The following SLC6A8 variants were observed in gnomAD, a reference collection of about 807,000 sequenced individuals.
SLC6A8 encodes the protein solute carrier family 6 member 8.
Under a neutral mutation model 48.3 loss-of-function variants are expected in SLC6A8, and 6 were observed. The observed-to-expected ratio is 0.12, with a 90% CI of 0.07 to 0.25. SLC6A8 has a LOEUF of 0.25. SLC6A8 is among the 10% of genes least tolerant of loss of function. The pLI, the probability that SLC6A8 is intolerant of heterozygous loss-of-function variation, is 1.00. For missense variants in SLC6A8, 260 were observed against 551.5 expected, an observed-to-expected ratio of 0.47 and a Z score of 5.29; for synonymous variants, 245 against 244.0, an observed-to-expected ratio of 1.00 and a Z score of -0.04.
At chrX:153,692,478 G>A (rs1557044699) in intron 4 of SLC6A8, 1 of 344,882 alleles carries the variant, frequency 2.9e-6, no homozygotes, top group Non-Finnish European at 5.6e-6. Context: ...AGGCTGGGGA[G>A]TCACCTGAAC....
At chrX:153,693,777 C>A in intron 7 of SLC6A8, 128 bp from the exon 8 acceptor site, 1 of 802,071 alleles carries the variant, frequency 1.2e-6, no homozygotes, top group Non-Finnish European at 1.8e-6. Flanking sequence ...GCCCCTGCCG[C>A]ACGACCCAGG....
In SLC6A8 at chrX:153,695,499, C is replaced by T. The variant is rs1177221828; in HGVS notation, c.*285C>T. ...CCCCACCCCCACCCACAGTGCTGCA[C>T]TCCTCCTGCCCCTGCCACGCCCACC... On this transcript the variant is annotated 3_prime_UTR_variant, in exon 13 of 13. Transcript: ENST00000253122. 1.4e-5 allele frequency: 5 copies of T among 361,747 alleles called. No homozygotes were observed. The highest frequency in any genetic ancestry group is 1.4e-4 in the African/African-American group (5 of 36,474). The allele number at this position is 361,747 out of a possible 1,213,427, so 29.8% of individuals were successfully genotyped here.
At chrX:153,690,166 C>G (rs1339207223) in intron 1 of SLC6A8, among the ~76,000 whole-genome samples, 1 of 112,926 alleles carries the variant, frequency 8.9e-6, no homozygotes, top group Non-Finnish European at 1.9e-5. Flanking sequence ...GAATAGGGCT[C>G]CAATGGCTCA....
At chrX:153,690,292 C>A in intron 1 of SLC6A8, 83 bp from the exon 2 acceptor site, 10 of 1,035,168 alleles carry the variant, frequency 9.7e-6, no homozygotes, top group South Asian at 2.0e-5. Context: ...TGTGATGGGG[C>A]CTTTGGAGTC....
intron 1 of SLC6A8, 60 bp downstream of exon 1, chrX:153,688,896 C>A: frequency 1.3e-6 from 1 of 784,785 alleles, no homozygotes. Context: ...CCCGCCCGAC[C>A]CCCGGAGCCG....
chrX:153,694,118 C>T lies in SLC6A8; in HGVS notation c.1255-12C>T. On this transcript the variant is annotated splice_polypyrimidine_tract_variant and intron_variant, in intron 8 of 12. Coordinates refer to ENST00000253122, the MANE Select transcript of SLC6A8 (RefSeq NM_005629.4). ...GCGGTGCGGGGCTCGGCCTGAGCTG[C>T]CCTGGCCACAGTTTGTAGGTGTGGA... 1 of 1,210,436 alleles carries T rather than the reference C, an allele frequency of 8.3e-7. No homozygotes were observed. Among genetic ancestry groups the T allele is most frequent in the African/African-American group, 1.7e-5 (1 of 57,801 alleles).
chrX:153,691,208 T>TGGTG, intron 2 of SLC6A8, 96 bp from the exon 3 acceptor site: 1 of 988,470 alleles, frequency 1.0e-6, no homozygotes, highest in Non-Finnish European at 1.4e-6. Flanking sequence ...GGAGGACAGA[T>TGGTG]GGTGGGAGCA....
chrX:153,689,874 A>G (rs1168438051), intron 1 of SLC6A8, among the ~76,000 whole-genome samples: 1 of 111,715 alleles, frequency 9.0e-6, no homozygotes, highest in Non-Finnish European at 1.9e-5. Flanking sequence ...CCAGCAGGGG[A>G]CTGTGACCCA....
chrX:153,690,222 AGACTCCACCTGGG>A (rs1414152369), intron 1 of SLC6A8, among the ~76,000 whole-genome samples, 140 bp from the exon 2 acceptor site: 3 of 112,098 alleles, frequency 2.7e-5, no homozygotes, highest in African/African-American at 6.5e-5. Flanking sequence ...CACCCCCTCA[AGACTCCACCTGGG>A]GCCTGAGTCA....
At chrX:153,690,857 G>A (rs782656574) in intron 2 of SLC6A8, 6 of 270,686 alleles carry the variant, frequency 2.2e-5, no homozygotes, top group Non-Finnish European at 3.3e-5. Context: ...CACTGCAGGG[G>A]CGACTGTCTC....
At chrX:153,690,909 C>T (rs1459767572) in intron 2 of SLC6A8, 7 of 250,095 alleles carry the variant, frequency 2.8e-5, no homozygotes, top group Non-Finnish European at 5.1e-5. Flanking sequence ...CCCCCCACCA[C>T]CACCATCAAC....
rs2091490172 is a variant in SLC6A8, at chrX:153,696,110, G to C, written c.*896G>C. On this transcript the variant is annotated 3_prime_UTR_variant, in exon 13 of 13. Coordinates refer to ENST00000253122, the MANE Select transcript of SLC6A8 (RefSeq NM_005629.4). ...ATAGGCAAAACAAAAGCTTCGAGCTGTTGCGTGTGTGAGTCTGTTGTGTGG... is the reference window on the plus strand; with the variant it reads ...ATAGGCAAAACAAAAGCTTCGAGCTCTTGCGTGTGTGAGTCTGTTGTGTGG... 3 of 203,803 alleles carry C rather than the reference G, an allele frequency of 1.5e-5. No homozygotes were observed. The highest frequency in any genetic ancestry group is 1.7e-3 in the Middle Eastern group (1 of 572). 16.8% of individuals were successfully genotyped at this position (203,803 alleles called of 1,213,427 possible). A position where few individuals can be genotyped will look rare whatever the true frequency, so the allele number is the denominator to read the frequency against.
chrX:153,689,152 A>C (rs1440243708), intron 1 of SLC6A8: 1 of 113,366 alleles, frequency 8.8e-6, no homozygotes, highest in East Asian at 2.8e-4. Flanking sequence ...GGTCTCCGCG[A>C]GGTAAGGAGC....
In SLC6A8 at chrX:153,696,120, TGA is replaced by T. The variant is rs1449737903; in HGVS notation, c.*908_*909del. Reference sequence around the variant, plus strand: ...CAAAAGCTTCGAGCTGTTGCGTGTGTGAGTCTGTTGTGTGGATGTGCGTGTGT... The same window carrying T: ...CAAAAGCTTCGAGCTGTTGCGTGTGTGTCTGTTGTGTGGATGTGCGTGTGT... On this transcript the variant is annotated 3_prime_UTR_variant, in exon 13 of 13. Coordinates refer to ENST00000253122, the MANE Select transcript of SLC6A8 (RefSeq NM_005629.4). 2.1e-4 allele frequency: 45 copies of T among 209,343 alleles called. No individual in the cohort carries two copies. Among genetic ancestry groups the T allele is most frequent in the South Asian group, 1.9e-3 (31 of 16,529 alleles). The allele number at this position is 209,343 out of a possible 1,213,427, so 17.3% of individuals were successfully genotyped here. A position where few individuals can be genotyped will look rare whatever the true frequency, so the allele number is the denominator to read the frequency against.
chrX:153,689,986 C>A (rs1173707645), intron 1 of SLC6A8, among the ~76,000 whole-genome samples: 2 of 112,939 alleles, frequency 1.8e-5, no homozygotes, highest in East Asian at 5.6e-4. Context: ...GATCACCCAG[C>A]CTTGGCACAC....
Position 153,690,893 on chromosome X carries a change from C to CA in SLC6A8, c.394+387_394+388insA, listed in dbSNP as rs1230052286. 383 of 74,513 alleles carry CA rather than the reference C, an allele frequency of 5.1e-3. 3 individuals are homozygous for CA. In the African/African-American group the frequency reaches 0.065, roughly 13 times the overall value. The allele number at this position is 74,513 out of a possible 1,213,427, so 6.1% of individuals were successfully genotyped here. A position where few individuals can be genotyped will look rare whatever the true frequency, so the allele number is the denominator to read the frequency against. On this transcript the variant is annotated intron_variant, in intron 2 of 12. Transcript: ENST00000253122. ...CAACACTACCTCAGGCGACTAGAAA[C>CA]CCCCCCCCCCCACCACCACCATCAA...
chrX:153,688,883 G>A, intron 1 of SLC6A8, 47 bp downstream of exon 1: 4 of 860,069 alleles, frequency 4.7e-6, no homozygotes, highest in Non-Finnish European at 6.1e-6. Flanking sequence ...CAGGCCGCCG[G>A]CCCCCGCCCG....
At chrX:153,695,022 TGGGGACGAGCAGGTGACCCTGG>T (rs2091481630) in intron 12 of SLC6A8, 30 bp from the exon 13 acceptor site, 2 of 1,172,045 alleles carry the variant, frequency 1.7e-6, no homozygotes, top group African/African-American at 1.8e-5. Flanking sequence ...GAAGTCACCG[TGGGGACGAGCAGGTGACCCTGG>T]GGGCTTCAGC....
At chrX:153,690,894 C>CCG (rs1557044297) in intron 2 of SLC6A8, 1 of 220,001 alleles carries the variant, frequency 4.5e-6, no homozygotes, top group African/African-American at 4.3e-5. Flanking sequence ...GACTAGAAAC[C>CCG]CCCCCCCCCC....
Sources: allele counts gnomAD v4.1 joint callset (sites outside exome capture counted in the v4.1 genomes callset), GRCh38; gene constraint gnomAD v4.1.1; transcripts MANE v1.5; gene names NCBI Gene and HGNC (gene_info 2026-07-23, HGNC 2026-07-21).